TMEM135: variants seen among roughly 807,000 people sequenced by gnomAD.
The protein encoded by TMEM135 is peroxisomal membrane protein 52.
TMEM135 carries 30 observed loss-of-function variants against 60.3 expected under a neutral mutation model. The ratio of observed to expected loss-of-function variants is 0.50; its 90% CI spans 0.37 to 0.68. The LOEUF (loss-of-function observed/expected upper bound fraction) is 0.68, where lower values mean the gene tolerates loss of function less well. Ranked by LOEUF, TMEM135 falls within the 30% of genes least tolerant of loss-of-function variation. The pLI, the probability that TMEM135 is intolerant of heterozygous loss-of-function variation, is 0.00. For synonymous variants in TMEM135, 190 were observed against 186.7 expected, an observed-to-expected ratio of 1.02 and a Z score of -0.14; for missense variants, 468 against 548.8, an observed-to-expected ratio of 0.85 and a Z score of 1.47.
At chr11:87,230,047 C>A (rs756124790) in intron 5 of TMEM135, among the ~76,000 whole-genome samples, 1 of 151,916 alleles carries the variant, frequency 6.6e-6, no homozygotes, top group East Asian at 1.9e-4. Context: ...ATTTTAAAAC[C>A]TTTTCATTTC....
Position 87,325,195 on chromosome 11 carries a change from G to T in TMEM135, c.*3862G>T, listed in dbSNP as rs1942895008. 2.2e-6 allele frequency: 1 copy of T among 453,868 alleles called. No individual in the cohort carries two copies. Among genetic ancestry groups the T allele is most frequent in the South Asian group, 1.6e-5 (1 of 64,476 alleles). The allele number at this position is 453,868 out of a possible 1,614,324, so 28.1% of individuals were successfully genotyped here. Reference sequence around the variant, plus strand: ...GTACTATGTTTCTGTTTAAAGTAGTGGCCTCAGGTGACTTTGTAATAGCCC... The same window carrying T: ...GTACTATGTTTCTGTTTAAAGTAGTTGCCTCAGGTGACTTTGTAATAGCCC... On this transcript the variant is annotated 3_prime_UTR_variant, in exon 15 of 15. Coordinates refer to ENST00000305494, the MANE Select transcript of TMEM135 (RefSeq NM_022918.4).
In TMEM135 at chr11:87,322,432, G is replaced by A. The variant is rs1942838328; in HGVS notation, c.*1099G>A. 1 of 453,942 alleles carries A rather than the reference G, an allele frequency of 2.2e-6. No individual in the cohort carries two copies. 28.1% of individuals were successfully genotyped at this position (453,942 alleles called of 1,614,324 possible). On this transcript the variant is annotated 3_prime_UTR_variant, in exon 15 of 15. Coordinates refer to ENST00000305494, the MANE Select transcript of TMEM135 (RefSeq NM_022918.4). Reference sequence around the variant, plus strand: ...TCACCATTTTTACTGTTAGAATAAAGAGGTGACACCATAAAGTCCTGCTGA... The same window carrying A: ...TCACCATTTTTACTGTTAGAATAAAAAGGTGACACCATAAAGTCCTGCTGA...
chr11:87,067,792 C>A lies in TMEM135; in HGVS notation c.240C>A (p.Ala80=), dbSNP rs759946536. Reference sequence around the variant, plus strand: ...CTTCATTTCTAACTGCTAATGGGGCCTTGTATATGGCTTTCTTTTGCATTT... The same window carrying A: ...CTTCATTTCTAACTGCTAATGGGGCATTGTATATGGCTTTCTTTTGCATTT... ...QSASFLTANG[A]LYMAFFCILR... is the part of the protein sequence containing the mutation. Residue 80 remains alanine (A), a synonymous_variant, in exon 2 of 15, where the codon GCC becomes GCA. Transcript: ENST00000305494. 8 of 1,613,794 alleles carry A rather than the reference C, an allele frequency of 5.0e-6. No individual in the cohort carries two copies. The South Asian group carries it at 8.8e-5, about 18-fold the overall frequency.
Position 87,038,013 on chromosome 11 carries a change from C to T in TMEM135, c.-33C>T, listed in dbSNP as rs781714595. On this transcript the variant is annotated 5_prime_UTR_variant, in exon 1 of 15. Coordinates refer to ENST00000305494, the MANE Select transcript of TMEM135 (RefSeq NM_022918.4). ...CCCCTCCCTGCAGGGCTCAGGCTCT[C>T]CCCCTCCTGTCTTCTCCGCGCTGTT... 3.7e-6 allele frequency: 6 copies of T among 1,612,904 alleles called. No individual in the cohort carries two copies. The highest frequency in any genetic ancestry group is 2.2e-5 in the South Asian group (2 of 91,080).
intron 5 of TMEM135, among the ~76,000 whole-genome samples, chr11:87,168,203 G>A (rs941538157): frequency 5.9e-5 from 9 of 151,770 alleles, no homozygotes; most frequent in South Asian, 2.1e-4. Context: ...TGTCTCTTTC[G>A]TTCTTTATTA....
intron 4 of TMEM135, among the ~76,000 whole-genome samples, chr11:87,113,858 C>T (rs1282856980): frequency 6.6e-6 from 1 of 151,932 alleles, no homozygotes; most frequent in Non-Finnish European, 1.5e-5. Context: ...GGGATCATCA[C>T]AATATGATCC....
intron 4 of TMEM135, among the ~76,000 whole-genome samples, chr11:87,093,368 A>G (rs571530613): frequency 2.0e-5 from 3 of 151,856 alleles, no homozygotes; most frequent in Non-Finnish European, 4.4e-5. Flanking sequence ...ATGTACCACA[A>G]TGTCCGGCTA....
intron 4 of TMEM135, among the ~76,000 whole-genome samples, chr11:87,126,950 G>A (rs1353332339): frequency 1.3e-5 from 2 of 152,096 alleles, no homozygotes. Flanking sequence ...ATTAAGAATT[G>A]GAATCTGTTA....
rs545215208 is a variant in TMEM135 at position 87,086,943 on chromosome 11, C to T, written c.363-4419C>T. On this transcript the variant is annotated intron_variant, in intron 3 of 14. Coordinates refer to ENST00000305494, the MANE Select transcript of TMEM135 (RefSeq NM_022918.4). Reference sequence around the variant, plus strand: ...CTTCTGAAGAGGTACCTCTAATTGCCGTTAGGTTAAGGACGATGACCAGTC... The same window carrying T: ...CTTCTGAAGAGGTACCTCTAATTGCTGTTAGGTTAAGGACGATGACCAGTC... 6.6e-5 allele frequency among the ~76,000 whole-genome samples: 10 copies of T among 152,228 alleles called. 1 individual carries two copies. The highest frequency in any genetic ancestry group is 4.1e-4 in the South Asian group (2 of 4,820).
chr11:87,038,279 G>C (rs1949721114), intron 1 of TMEM135, 93 bp downstream of exon 1: 2 of 1,531,122 alleles, frequency 1.3e-6, no homozygotes, highest in South Asian at 2.3e-5. Context: ...TGGGGGACTT[G>C]CCTTGTGTCG....
intron 12 of TMEM135, among the ~76,000 whole-genome samples, chr11:87,315,517 G>C (rs141851146): frequency 9.2e-4 from 140 of 151,950 alleles, no homozygotes; most frequent in Non-Finnish European, 1.8e-3. Context: ...CCAACATAAG[G>C]TTCCCCAGTA....
intron 1 of TMEM135, among the ~76,000 whole-genome samples, chr11:87,067,075 C>A (rs894038956): frequency 6.7e-6 from 1 of 149,770 alleles, no homozygotes; most frequent in African/African-American, 2.4e-5. Flanking sequence ...CCACCGCGCC[C>A]GGCCTAGATT....
chr11:87,230,026 C>A (rs1940857782), intron 5 of TMEM135, among the ~76,000 whole-genome samples: 1 of 151,864 alleles, frequency 6.6e-6, no homozygotes, highest in Non-Finnish European at 1.5e-5. Context: ...GGCATCCAAC[C>A]CTGCAATCTA....
chr11:87,279,445 TAGC>T (rs1361834135), intron 6 of TMEM135, among the ~76,000 whole-genome samples: 1 of 152,204 alleles, frequency 6.6e-6, no homozygotes, highest in African/African-American at 2.4e-5. Context: ...GTTTTAGTAA[TAGC>T]AGCAGCAGTA....
At chr11:87,271,585 G>T (rs1941863995) in intron 6 of TMEM135, among the ~76,000 whole-genome samples, 1 of 151,906 alleles carries the variant, frequency 6.6e-6, no homozygotes, top group Non-Finnish European at 1.5e-5. Flanking sequence ...ATTTTATATT[G>T]ATTATTTGTT....
At chr11:87,106,494 C>A (rs907721748) in intron 4 of TMEM135, among the ~76,000 whole-genome samples, 11 of 152,154 alleles carry the variant, frequency 7.2e-5, no homozygotes, top group Non-Finnish European at 1.6e-4. Context: ...CATCTATGTT[C>A]ATCAGGGATA....
chr11:87,165,651 C>T (rs1027679932), intron 5 of TMEM135, among the ~76,000 whole-genome samples: 10 of 151,226 alleles, frequency 6.6e-5, no homozygotes, highest in African/African-American at 2.2e-4. Flanking sequence ...TAGAATTCAG[C>T]TGTGAATCCA....
At chr11:87,252,387 A>G (rs1941434762) in intron 6 of TMEM135, among the ~76,000 whole-genome samples, 1 of 151,900 alleles carries the variant, frequency 6.6e-6, no homozygotes, top group African/African-American at 2.4e-5. Context: ...TAAGTGAAAG[A>G]GGACTGAAAA....
Position 87,157,409 on chromosome 11 carries a change from A to G in TMEM135, c.462+3A>G. ...TCACAACATTAAGAAATGGAGAAGT[A>G]AGATGAGAATTTTGATATAGTTATT... On this transcript the variant is annotated splice_donor_region_variant and intron_variant, in intron 5 of 14. Coordinates refer to ENST00000305494, the MANE Select transcript of TMEM135 (RefSeq NM_022918.4). 6.2e-7 allele frequency: 1 copy of G among 1,611,578 alleles called. No homozygotes were observed. The highest frequency in any genetic ancestry group is 1.3e-5 in the African/African-American group (1 of 74,980).
Sources: gnomAD v4.1 joint callset for allele counts (sites outside exome capture counted in the v4.1 genomes callset) on GRCh38, gnomAD v4.1.1 for gene constraint, MANE v1.5 for transcripts, NCBI Gene and HGNC (gene_info 2026-07-23, HGNC 2026-07-21) for gene names.